MYO18B: variants seen among roughly 807,000 people sequenced by gnomAD.
MYO18B encodes the protein myosin XVIIIB, also known as unconventional myosin-XVIIIb.
Under a neutral mutation model 273.0 loss-of-function variants are expected in MYO18B, and 204 were observed. The ratio of observed to expected loss-of-function variants is 0.75; its 90% CI spans 0.67 to 0.84. MYO18B has a LOEUF of 0.84. Among genes scored for constraint, MYO18B ranks in the 40% least tolerant of loss-of-function variants. The pLI is 0.00. For synonymous variants in MYO18B, 1,330 were observed against 1,305.7 expected, an observed-to-expected ratio of 1.02 and a Z score of -0.40; for missense variants, 3,212 against 3,287.6, an observed-to-expected ratio of 0.98 and a Z score of 0.56.
In MYO18B at chr22:25,785,484, G is replaced by T; in HGVS notation, c.2369G>T (p.Trp790Leu). The change falls in exon 11 of 44, where the codon TGG (tryptophan) becomes TTG (leucine). Residue 790 changes from tryptophan (W) to leucine (L), a missense_variant. By Grantham distance (61) the Trp-to-Leu change is moderately conservative (BLOSUM62 -2). Transcript: ENST00000335473. Reference sequence around the variant, plus strand: ...AGCAGCTCCTTTGGCATGGGCGTGTGGTCCAAGGTAAGGAGGAGGTCCCTC... The same window carrying T: ...AGCAGCTCCTTTGGCATGGGCGTGTTGTCCAAGGTAAGGAGGAGGTCCCTC... ...ADSSSFGMGV[W>L]SKPEDKQKAA... The T allele has an allele frequency of 1.2e-6, 2 of 1,612,184 alleles. No individual in the cohort carries two copies. Among genetic ancestry groups the T allele is most frequent in the South Asian group, 2.2e-5 (2 of 90,376 alleles).
chr22:25,760,992 C>A lies in MYO18B; in HGVS notation c.-101C>A. 2 of 1,282,778 alleles carry A rather than the reference C, an allele frequency of 1.6e-6. No homozygotes were observed. The highest frequency in any genetic ancestry group is 2.3e-6 in the Non-Finnish European group (2 of 886,680). The allele number at this position is 1,282,778 out of a possible 1,614,324, so 79.5% of individuals were successfully genotyped here. A position where few individuals can be genotyped will look rare whatever the true frequency, so the allele number is the denominator to read the frequency against. On this transcript the variant is annotated 5_prime_UTR_variant, in exon 2 of 44. Coordinates refer to ENST00000335473, the MANE Select transcript of MYO18B (RefSeq NM_032608.7). ...GTGTCCCTGTGTGTCAGTTCTGTGT[C>A]CATCTCATGTGCTGCGTGTGTCTGT...
chr22:25,933,709 A>G (rs183999211), intron 34 of MYO18B, among the ~76,000 whole-genome samples: 115 of 152,326 alleles, frequency 7.5e-4, no homozygotes, highest in African/African-American at 2.6e-3. Flanking sequence ...GACTACCACA[A>G]TTTATCTTAT....
In MYO18B at chr22:25,758,107, G is replaced by A. The variant is rs180757815; in HGVS notation, c.-109-2877G>A. Reference sequence around the variant, plus strand: ...TGGCTTACTGCAACCTCCGCCTCCCGGATTCAAGCAATTCTCCCACATCAG... The same window carrying A: ...TGGCTTACTGCAACCTCCGCCTCCCAGATTCAAGCAATTCTCCCACATCAG... On this transcript the variant is annotated intron_variant, in intron 1 of 43. Coordinates refer to ENST00000335473, the MANE Select transcript of MYO18B (RefSeq NM_032608.7). 3.6e-3 allele frequency among the ~76,000 whole-genome samples: 545 copies of A among 152,172 alleles called. 4 individuals carry two copies. The highest frequency in any genetic ancestry group is 6.5e-3 in the Admixed American group (100 of 15,284).
At chr22:25,760,151 C>G (rs912475831) in intron 1 of MYO18B, among the ~76,000 whole-genome samples, 1 of 152,074 alleles carries the variant, frequency 6.6e-6, no homozygotes, top group African/African-American at 2.4e-5. Context: ...CGTGGTGGCT[C>G]ATGCCTGTAA....
chr22:25,950,100 G>A (rs555105749), intron 36 of MYO18B, among the ~76,000 whole-genome samples: 47 of 152,274 alleles, frequency 3.1e-4, no homozygotes, highest in African/African-American at 1.1e-3. Context: ...GCCCACTTCT[G>A]TCTGGGTTCT....
chr22:25,861,125 C>T (rs1361272335), intron 21 of MYO18B, among the ~76,000 whole-genome samples: 1 of 152,172 alleles, frequency 6.6e-6, no homozygotes, highest in Non-Finnish European at 1.5e-5. Context: ...CTCCAGCAAT[C>T]CTCTGGCCTC....
At chr22:26,047,862 C>T in the MYO18B span, among the ~76,000 whole-genome samples, 609 of 152,308 alleles carry the variant, frequency 4.0e-3, 11 homozygotes, top group East Asian at 0.053. Flanking sequence ...GCTCCAGTCC[C>T]TGTTTACCCC....
chr22:25,834,133 CTT>C, intron 16 of MYO18B, among the ~76,000 whole-genome samples: 1 of 149,744 alleles, frequency 6.7e-6, no homozygotes. Flanking sequence ...AAATAGCTAC[CTT>C]CTTCTTCTTT....
the MYO18B span, among the ~76,000 whole-genome samples, chr22:26,062,539 C>T: frequency 3.9e-5 from 6 of 152,148 alleles, no homozygotes; most frequent in Non-Finnish European, 7.4e-5. Context: ...CCAGTCAAGT[C>T]GGAAACTGGT....
At chr22:25,751,336 C>T (rs761227246) in intron 1 of MYO18B, among the ~76,000 whole-genome samples, 14 of 152,208 alleles carry the variant, frequency 9.2e-5, no homozygotes, top group East Asian at 1.9e-4. Context: ...AACTACCACA[C>T]GCCCTGTGCT....
At position 25,910,977 on chromosome 22, in the gene MYO18B, A is replaced by C. The variant is rs749265339; in HGVS notation, c.5291A>C (p.Glu1764Ala). The stretch of plus-strand genomic sequence containing the variant: ...CAGCTGGAAATGCAGCTGGAGCAAG[A>C]GTATGAAGAGAAGCAGATGGTCCTC... ...LHQLEMQLEQ[E>A]YEEKQMVLHE... Residue 1764 changes from glutamate (E) to alanine (A), a missense_variant, in exon 33 of 44, where the codon GAG becomes GCG. By Grantham distance (107) the Glu-to-Ala change is moderately radical (BLOSUM62 -1). Transcript: ENST00000335473. 6.9e-6 allele frequency: 11 copies of C among 1,602,298 alleles called. No homozygotes were observed. In the African/African-American group the frequency reaches 1.1e-4, roughly 16 times the overall value.
the MYO18B span, among the ~76,000 whole-genome samples, chr22:26,058,587 G>T: frequency 6.6e-6 from 1 of 152,174 alleles, no homozygotes; most frequent in Non-Finnish European, 1.5e-5. Context: ...AAGTGTTAGG[G>T]TCAAAGAGAC....
intron 1 of MYO18B, among the ~76,000 whole-genome samples, chr22:25,748,355 C>T (rs1012031005): frequency 6.6e-6 from 1 of 152,144 alleles, no homozygotes; most frequent in Admixed American, 6.5e-5. Context: ...ACTTCCCTTC[C>T]CTGGTCTATG....
intron 17 of MYO18B, among the ~76,000 whole-genome samples, chr22:25,836,729 G>A (rs2089912780): frequency 6.6e-6 from 1 of 152,124 alleles, no homozygotes; most frequent in Admixed American, 6.5e-5. Flanking sequence ...GGGAGGCCGA[G>A]GTGGGTGGAT....
the MYO18B span, among the ~76,000 whole-genome samples, chr22:26,036,321 G>A: frequency 6.6e-6 from 1 of 152,172 alleles, no homozygotes; most frequent in Admixed American, 6.5e-5. Flanking sequence ...GTGACACAGT[G>A]ACCCTGTCAC....
intron 29 of MYO18B, chr22:25,899,112 C>A (rs893478304): frequency 4.6e-5 from 7 of 152,496 alleles, no homozygotes; most frequent in African/African-American, 1.7e-4. Flanking sequence ...CAGCAAGATG[C>A]TAATCTTGAA....
At position 25,772,104 on chromosome 22, in the gene MYO18B, G is replaced by A. The variant is rs958913142; in HGVS notation, c.1693-230G>A. Among the ~76,000 whole-genome samples, 11 of 152,246 alleles carry A rather than the reference G, an allele frequency of 7.2e-5. No homozygotes were observed. The South Asian group carries it at 8.3e-4, about 11-fold the overall frequency. ...GGTGCATGGAGTGCAGGACCACAGC[G>A]AAGAGGGGGTGCCTCATAGGTTGCA... is the stretch of plus-strand genomic sequence containing the variant. On this transcript the variant is annotated intron_variant, in intron 6 of 43. Coordinates refer to ENST00000335473, the MANE Select transcript of MYO18B (RefSeq NM_032608.7).
intron 13 of MYO18B, 114 bp from the exon 14 acceptor site, chr22:25,826,295 G>A: frequency 1.4e-6 from 1 of 717,176 alleles, no homozygotes; most frequent in South Asian, 2.0e-5. Context: ...GTGGAGGGAT[G>A]TGGCAAGAAA....
At chr22:25,907,216 T>C (rs1316490624) in intron 31 of MYO18B, among the ~76,000 whole-genome samples, 1 of 152,260 alleles carries the variant, frequency 6.6e-6, no homozygotes, top group African/African-American at 2.4e-5. Context: ...CTGTAAATCA[T>C]GCAGATCAGG....
Sources: allele counts gnomAD v4.1 joint callset (sites outside exome capture counted in the v4.1 genomes callset), GRCh38; gene constraint gnomAD v4.1.1; transcripts MANE v1.5; gene names NCBI Gene and HGNC (gene_info 2026-07-23, HGNC 2026-07-21).